Variants in PTCHD4 observed in about 807,000 individuals in gnomAD.
PTCHD4 encodes patched domain-containing protein 4.
In PTCHD4, 33 loss-of-function variants were observed where a neutral mutation model predicts 58.1. The ratio of observed to expected loss-of-function variants is 0.57; its 90% CI spans 0.43 to 0.76. PTCHD4 has a LOEUF of 0.76. Ranked by LOEUF, PTCHD4 falls within the 30% of genes least tolerant of loss-of-function variation. The probability of loss-of-function intolerance (pLI) is 0.00; values close to 1 mark genes in which losing one functional copy is unlikely to be tolerated. For synonymous variants in PTCHD4, 478 were observed against 409.6 expected, an observed-to-expected ratio of 1.17 and a Z score of -2.02; for missense variants, 1,058 against 1,027.1, an observed-to-expected ratio of 1.03 and a Z score of -0.41.
intron 4 of PTCHD4, among the ~76,000 whole-genome samples, chr6:47,927,263 G>C (rs1765656344): frequency 6.6e-6 from 1 of 152,204 alleles, no homozygotes; most frequent in Admixed American, 6.5e-5. Context: ...CTGTGGGGCT[G>C]TGCCTCTTGT....
chr6:47,964,223 G>C (rs2113974316), intron 4 of PTCHD4, among the ~76,000 whole-genome samples: 1 of 152,308 alleles, frequency 6.6e-6, no homozygotes, highest in Middle Eastern at 3.4e-3. Flanking sequence ...AATTTCTTGA[G>C]ATCTGCCATA....
At position 47,875,674 on chromosome 6, in the gene PTCHD4, T is replaced by G. The variant is rs1187326517; in HGVS notation, c.*2629A>C. ...CACTTTGATCCTTGAAGACATAAACTAAAAAAGAACTGTTTTTCCCTATCT... is the reference window on the plus strand; with the variant it reads ...CACTTTGATCCTTGAAGACATAAACGAAAAAAGAACTGTTTTTCCCTATCT... On this transcript the variant is annotated 3_prime_UTR_variant, in exon 5 of 5. Coordinates refer to ENST00000339488, the MANE Select transcript of PTCHD4 (RefSeq NM_001384253.1). Among the ~76,000 whole-genome samples, 1 of 151,780 alleles carries G rather than the reference T, an allele frequency of 6.6e-6. No individual in the cohort carries two copies. The highest frequency in any genetic ancestry group is 1.5e-5 in the Non-Finnish European group (1 of 67,870).
intron 4 of PTCHD4, among the ~76,000 whole-genome samples, chr6:47,927,354 C>T (rs939588562): frequency 1.3e-4 from 20 of 152,158 alleles, no homozygotes; most frequent in Admixed American, 1.2e-3. Context: ...CCTCCGTAGC[C>T]TATCTGCAAG....
In PTCHD4 at chr6:47,953,672, A is replaced by G. The variant is rs189076425; in HGVS notation, c.898+54962T>C. Among the ~76,000 whole-genome samples the G allele has an allele frequency of 2.0e-4, 30 of 152,354 alleles. No individual in the cohort carries two copies. In the Middle Eastern group the frequency reaches 0.017, roughly 86 times the overall value. ...TGTATCTCGGTCCAAAGTGCTTTGCATGTAAAAATATTCCATTAAGAAAAA... is the reference window on the plus strand; with the variant it reads ...TGTATCTCGGTCCAAAGTGCTTTGCGTGTAAAAATATTCCATTAAGAAAAA... On this transcript the variant is annotated intron_variant, in intron 4 of 4. Coordinates refer to ENST00000339488, the MANE Select transcript of PTCHD4 (RefSeq NM_001384253.1).
Position 47,863,500 on chromosome 6 carries a change from G to A in PTCHD4, c.*14803C>T, listed in dbSNP as rs1763482317. 6.6e-6 allele frequency among the ~76,000 whole-genome samples: 1 copy of A among 151,940 alleles called. No homozygotes were observed. Among genetic ancestry groups the A allele is most frequent in the African/African-American group, 2.4e-5 (1 of 41,410 alleles). ...ATACCCTACATTCTTAGGGTTGTGA[G>A]ATTTAGCAAGTAAAAATGCAATATG... On this transcript the variant is annotated 3_prime_UTR_variant, in exon 5 of 5. Coordinates refer to ENST00000339488, the MANE Select transcript of PTCHD4 (RefSeq NM_001384253.1).
chr6:48,106,707 T>C (rs921889044), intron 1 of PTCHD4, among the ~76,000 whole-genome samples: 4 of 152,142 alleles, frequency 2.6e-5, no homozygotes, highest in Non-Finnish European at 5.9e-5. Flanking sequence ...AAAACCCCAT[T>C]GTCTCAGCCC....
chr6:47,891,972 G>T (rs970347729), intron 4 of PTCHD4, among the ~76,000 whole-genome samples: 5 of 152,082 alleles, frequency 3.3e-5, no homozygotes, highest in African/African-American at 1.2e-4. Context: ...AAGCCCAGAA[G>T]GATTTGAATA....
At chr6:47,924,483 T>C (rs1765531758) in intron 4 of PTCHD4, among the ~76,000 whole-genome samples, 1 of 152,134 alleles carries the variant, frequency 6.6e-6, no homozygotes, top group African/African-American at 2.4e-5. Context: ...ATCTTGTCAC[T>C]TTCTTTCGAG....
rs532269529 is a variant in PTCHD4, at chr6:47,859,723, G to A, written c.*18580C>T. ...AATCCCATGACAAATATGAAAGAAG[G>A]GAGGAGATTTACTATATTTTCATGA... is the stretch of plus-strand genomic sequence containing the variant. On this transcript the variant is annotated 3_prime_UTR_variant, in exon 5 of 5. Transcript: ENST00000339488. Among the ~76,000 whole-genome samples the A allele has an allele frequency of 8.6e-4, 131 of 152,088 alleles. 2 individuals carry two copies. Among genetic ancestry groups the A allele is most frequent in the Middle Eastern group, 6.8e-3 (2 of 294 alleles).
At chr6:47,891,319 G>A (rs1409474180) in intron 4 of PTCHD4, among the ~76,000 whole-genome samples, 1 of 151,530 alleles carries the variant, frequency 6.6e-6, no homozygotes, top group African/African-American at 2.4e-5. Context: ...AGTTGTTCTG[G>A]CACTCCCAGC....
chr6:48,032,011 T>C (rs989866558), intron 3 of PTCHD4, among the ~76,000 whole-genome samples: 1 of 152,122 alleles, frequency 6.6e-6, no homozygotes, highest in South Asian at 2.1e-4. Flanking sequence ...AATGGTAAAT[T>C]TGCATTTTAA....
chr6:47,921,828 C>T (rs184311034), intron 4 of PTCHD4, among the ~76,000 whole-genome samples: 3 of 151,590 alleles, frequency 2.0e-5, no homozygotes. Flanking sequence ...GCTATTTTGG[C>T]AGCAAAATAG....
intron 3 of PTCHD4, among the ~76,000 whole-genome samples, chr6:48,048,695 A>G (rs1481642855): frequency 6.6e-6 from 1 of 151,952 alleles, no homozygotes; most frequent in African/African-American, 2.4e-5. Flanking sequence ...AAGATGAATT[A>G]TTTAACATCC....
In PTCHD4 at chr6:48,111,189, C is replaced by G. The variant is rs954888131; in HGVS notation, c.-1110G>C. Among the ~76,000 whole-genome samples the G allele has an allele frequency of 6.6e-6, 1 of 152,140 alleles. No individual in the cohort carries two copies. Among genetic ancestry groups the G allele is most frequent in the African/African-American group, 2.4e-5 (1 of 41,432 alleles). On this transcript the variant is annotated 5_prime_UTR_variant, in exon 1 of 5. Coordinates refer to ENST00000339488, the MANE Select transcript of PTCHD4 (RefSeq NM_001384253.1). ...CTGCATCCCTCTACCGATGGCCAGA[C>G]TTCTCACTGGGCAAGTCTGGGCAAG...
chr6:47,952,416 G>T (rs186257773), intron 4 of PTCHD4, among the ~76,000 whole-genome samples: 59 of 152,010 alleles, frequency 3.9e-4, no homozygotes, highest in African/African-American at 1.3e-3. Flanking sequence ...TTAATTATTA[G>T]CTTCTATGAG....
chr6:48,098,326 T>C (rs902757662), intron 1 of PTCHD4, among the ~76,000 whole-genome samples: 1 of 147,970 alleles, frequency 6.8e-6, no homozygotes, highest in Non-Finnish European at 1.5e-5. Context: ...CTTTTCTTCT[T>C]CTTCTTCTTC....
rs1763521293 is a variant in PTCHD4 at position 48,033,445 on chromosome 6, A to G, written c.418-24331T>C. Among the ~76,000 whole-genome samples, 4 of 151,086 alleles carry G rather than the reference A, an allele frequency of 2.6e-5. No individual in the cohort carries two copies. In the South Asian group the frequency reaches 8.4e-4, roughly 32 times the overall value. On this transcript the variant is annotated intron_variant, in intron 3 of 4. Coordinates refer to ENST00000339488, the MANE Select transcript of PTCHD4 (RefSeq NM_001384253.1). ...TCTGCCTCCATCCAAGTTCAGCAAC[A>G]GGAGTGTCACTGTGGCTGCACCTCT...
chr6:48,108,641 C>A (rs1765798572), intron 1 of PTCHD4, among the ~76,000 whole-genome samples: 1 of 151,578 alleles, frequency 6.6e-6, no homozygotes, highest in South Asian at 2.1e-4. Context: ...AAAAACTATT[C>A]TTTTACTATC....
chr6:47,960,773 T>A (rs1473109793), intron 4 of PTCHD4, among the ~76,000 whole-genome samples: 2 of 151,816 alleles, frequency 1.3e-5, no homozygotes, highest in Non-Finnish European at 2.9e-5. Context: ...ATTTACCTAA[T>A]AACAGAGCTT....
Sources: gnomAD v4.1 joint callset for allele counts (sites outside exome capture counted in the v4.1 genomes callset) on GRCh38, gnomAD v4.1.1 for gene constraint, MANE v1.5 for transcripts, NCBI Gene and HGNC (gene_info 2026-07-23, HGNC 2026-07-21) for gene names.